Variants in IL10RB observed in about 807,000 individuals in gnomAD.
IL10RB encodes interleukin 10 receptor subunit beta.
A neutral mutation model predicts 38.7 loss-of-function variants in IL10RB; 30 were observed. That is an observed-to-expected ratio of 0.78 (90% CI 0.58 to 1.05). The LOEUF (loss-of-function observed/expected upper bound fraction) is 1.05. Among genes scored for constraint, IL10RB ranks in the 50% least tolerant of loss-of-function variants. The pLI, the probability that IL10RB is intolerant of heterozygous loss-of-function variation, is 0.00. For synonymous variants in IL10RB, 142 were observed against 145.9 expected (o/e 0.97, Z 0.19); for missense variants, 328 against 397.1 (o/e 0.83, Z 1.48).
chr21:33,307,068 C>T (rs1423662793), intron 1 of IL10RB, among the ~76,000 whole-genome samples: 2 of 152,150 alleles, frequency 1.3e-5, no homozygotes, highest in African/African-American at 2.4e-5. Context: ...CAGGCCCCAC[C>T]GACTACTCCC....
At chr21:33,273,242 G>C (rs1346300897) in intron 2 of IL10RB, among the ~76,000 whole-genome samples, 1 of 152,160 alleles carries the variant, frequency 6.6e-6, no homozygotes, top group Non-Finnish European at 1.5e-5. Context: ...TTGTATACAG[G>C]CATATCACAG....
At position 33,283,059 on chromosome 21, in the gene IL10RB, C is replaced by T. The variant is rs558048185; in HGVS notation, c.499-35C>T. On this transcript the variant is annotated intron_variant, in intron 4 of 6. Coordinates refer to ENST00000290200, the MANE Select transcript of IL10RB (RefSeq NM_000628.5). ...AAAAAAAGGTGGTGCCCTTCCACTG[C>T]TTAGTCATGTTCTTATTTTTGTCTC... 3.2e-6 allele frequency: 5 copies of T among 1,573,162 alleles called. 1 individual carries two copies. The South Asian group carries it at 4.4e-5, about 14-fold the overall frequency.
At chr21:33,287,986 CG>C in intron 5 of IL10RB, 117 bp from the exon 6 acceptor site, 1 of 977,446 alleles carries the variant, frequency 1.0e-6, no homozygotes, top group Non-Finnish European at 1.7e-6. Flanking sequence ...GTTTCTGAGA[CG>C]TCCCCCAAGA....
chr21:33,299,184 GTTA>G (rs1412516072), downstream of IL10RB, among the ~76,000 whole-genome samples: 1 of 152,138 alleles, frequency 6.6e-6, no homozygotes, highest in Non-Finnish European at 1.5e-5. Flanking sequence ...AACTTCCACT[GTTA>G]AACCCAGTTT....
chr21:33,266,497 G>T lies in IL10RB; in HGVS notation c.32G>T (p.Gly11Val). ...TGGAGCCTTGGGAGCTGGCTGGGTG[G>T]CTGCCTGCTGGTGTCAGGTGAGGGG... MAWSLGSWLGGCLLVSALGMV... is the reference protein window; with the variant it reads MAWSLGSWLGVCLLVSALGMV... The change falls in exon 1 of 7, where the codon GGC becomes GTC. Residue 11 changes from glycine to valine, a missense_variant. Physicochemically the swap from Gly to Val is moderately radical, Grantham distance 109 (BLOSUM62 -3). Coordinates refer to ENST00000290200, the MANE Select transcript of IL10RB (RefSeq NM_000628.5). 6.5e-7 allele frequency: 1 copy of T among 1,542,752 alleles called. No homozygotes were observed.
downstream of IL10RB, among the ~76,000 whole-genome samples, chr21:33,299,698 T>C (rs978403769): frequency 9.2e-5 from 14 of 152,212 alleles, no homozygotes; most frequent in African/African-American, 3.4e-4. Flanking sequence ...GCCCAGGCCT[T>C]ACCATGACCA....
At chr21:33,306,618 G>T (rs771326440) in intron 1 of IL10RB, among the ~76,000 whole-genome samples, 1 of 152,024 alleles carries the variant, frequency 6.6e-6, no homozygotes, top group East Asian at 1.9e-4. Context: ...CTGCAGCCTG[G>T]ACCCCACTGG....
chr21:33,288,456 G>A (rs953691449), intron 6 of IL10RB, among the ~76,000 whole-genome samples, 195 bp downstream of exon 6: 1 of 107,950 alleles, frequency 9.3e-6, no homozygotes, highest in Non-Finnish European at 2.1e-5. Context: ...GTCAGGTGAA[G>A]GAACAGCCCC....
chr21:33,278,709 C>T (rs935275457), intron 3 of IL10RB, among the ~76,000 whole-genome samples: 1 of 152,222 alleles, frequency 6.6e-6, no homozygotes, highest in Non-Finnish European at 1.5e-5. Flanking sequence ...AGATTTGCCT[C>T]TTGAAGTCTA....
Position 33,280,353 on chromosome 21 carries a change from G to A in IL10RB, c.498+435G>A, listed in dbSNP as rs548078418. Among the ~76,000 whole-genome samples, 11 of 152,250 alleles carry A rather than the reference G, an allele frequency of 7.2e-5. No homozygotes were observed. The East Asian group carries it at 1.7e-3, about 24-fold the overall frequency. ...CAATTTCTTTAAAAACATGGGCTTGGAGTCAAAAGATCTGATCGGAATATC... is the reference window on the plus strand; with the variant it reads ...CAATTTCTTTAAAAACATGGGCTTGAAGTCAAAAGATCTGATCGGAATATC... On this transcript the variant is annotated intron_variant, in intron 4 of 6. Transcript: ENST00000290200.
At chr21:33,308,806 T>C (rs1039627898) in intron 1 of IL10RB, 7 of 152,246 alleles carry the variant, frequency 4.6e-5, no homozygotes, top group African/African-American at 1.7e-4. Context: ...GCCTACTGGC[T>C]CAGCGACTGT....
At chr21:33,271,416 T>A (rs1036662172) in intron 2 of IL10RB, among the ~76,000 whole-genome samples, 5 of 152,048 alleles carry the variant, frequency 3.3e-5, no homozygotes, top group African/African-American at 1.2e-4. Context: ...GGGAGAAGTA[T>A]TTGTACATGC....
At chr21:33,287,282 G>T (rs1601835069) in intron 5 of IL10RB, among the ~76,000 whole-genome samples, 1 of 152,174 alleles carries the variant, frequency 6.6e-6, no homozygotes, top group South Asian at 2.1e-4. Flanking sequence ...GGAATTCAAG[G>T]GTGTGGCCTT....
At chr21:33,304,132 G>A (rs143373192) in intron 1 of IL10RB, among the ~76,000 whole-genome samples, 74 of 152,354 alleles carry the variant, frequency 4.9e-4, no homozygotes, top group Admixed American at 4.8e-3. Context: ...AAGATGGCTG[G>A]CTCCTCCTTC....
intron 5 of IL10RB, among the ~76,000 whole-genome samples, chr21:33,283,809 G>T (rs1041836304): frequency 6.6e-6 from 1 of 152,020 alleles, no homozygotes; most frequent in Non-Finnish European, 1.5e-5. Flanking sequence ...AAAGAGAGAA[G>T]GTTCCCATGG....
intron 3 of IL10RB, among the ~76,000 whole-genome samples, chr21:33,278,593 C>G (rs8178483): frequency 6.6e-6 from 1 of 152,128 alleles, no homozygotes; most frequent in African/African-American, 2.4e-5. Flanking sequence ...AGGTACAACA[C>G]GGTTAAGCAG....
At chr21:33,268,177 T>TC (rs1414094848) in intron 1 of IL10RB, 4 of 1,435,310 alleles carry the variant, frequency 2.8e-6, no homozygotes, top group Non-Finnish European at 3.7e-6. Flanking sequence ...CCTTTGTCTG[T>TC]CCCCATTTTA....
chr21:33,299,135 C>CTTCTT (rs1441130190), downstream of IL10RB, among the ~76,000 whole-genome samples: 1 of 152,222 alleles, frequency 6.6e-6, no homozygotes, highest in Non-Finnish European at 1.5e-5. Context: ...CCCCCTCCCT[C>CTTCTT]TGCACAAGGA....
intron 1 of IL10RB, among the ~76,000 whole-genome samples, chr21:33,305,084 C>A (rs1362319216): frequency 1.3e-5 from 2 of 152,158 alleles, no homozygotes; most frequent in Non-Finnish European, 2.9e-5. Context: ...AGTACCATCT[C>A]CTATCCCTGG....
Sources: allele counts gnomAD v4.1 joint callset (sites outside exome capture counted in the v4.1 genomes callset), GRCh38; gene constraint gnomAD v4.1.1; transcripts MANE v1.5; gene names NCBI Gene and HGNC (gene_info 2026-07-23, HGNC 2026-07-21).